The following PTPRT variants were observed in gnomAD, a reference collection of about 807,000 sequenced individuals.
PTPRT encodes receptor-type tyrosine-protein phosphatase T.
A neutral mutation model predicts 176.8 loss-of-function variants in PTPRT; 56 were observed. That is an observed-to-expected ratio of 0.32 (90% CI 0.26 to 0.40). The LOEUF (loss-of-function observed/expected upper bound fraction) is 0.40, where lower values mean the gene tolerates loss of function less well. Ranked by LOEUF, PTPRT falls within the 10% of genes least tolerant of loss-of-function variation. The pLI is 1.00. For missense variants in PTPRT, 1,540 were observed against 1,908.2 expected (o/e 0.81, Z 3.60); for synonymous variants, 783 against 739.0 (o/e 1.06, Z -0.96).
intron 16 of PTPRT, among the ~76,000 whole-genome samples, chr20:42,185,036 T>C (rs1324376857): frequency 6.6e-6 from 1 of 152,098 alleles, no homozygotes; most frequent in Admixed American, 6.6e-5. Context: ...AAAACCAGCA[T>C]GGTCCAAATA....
At chr20:42,362,159 G>A (rs1209488499) in intron 9 of PTPRT, among the ~76,000 whole-genome samples, 1 of 152,098 alleles carries the variant, frequency 6.6e-6, no homozygotes, top group East Asian at 1.9e-4. Context: ...CCAGCTACTC[G>A]GGAGGCTGAG....
At position 42,833,222 on chromosome 20, in the gene PTPRT, T is replaced by TA. The variant is rs112084889; in HGVS notation, c.215-41757dup. ...AACCAAATAGTCATGCAGTATAACT[T>TA]AAAAAAAAACCTAAAGTCATTATGA... On this transcript the variant is annotated intron_variant, in intron 2 of 30. Transcript: ENST00000373187. 4.2e-3 allele frequency among the ~76,000 whole-genome samples: 609 copies of TA among 144,632 alleles called. 3 individuals carry two copies. Among genetic ancestry groups the TA allele is most frequent in the African/African-American group, 0.014 (539 of 39,158 alleles). 94.9% of individuals were successfully genotyped at this position (144,632 alleles called of 152,430 possible). A position where few individuals can be genotyped will look rare whatever the true frequency, so the allele number is the denominator to read the frequency against.
At chr20:43,049,251 T>C (rs1986956267) in intron 1 of PTPRT, among the ~76,000 whole-genome samples, 1 of 152,188 alleles carries the variant, frequency 6.6e-6, no homozygotes, top group African/African-American at 2.4e-5. Flanking sequence ...AGAAAAAGTG[T>C]ATATCCTTTG....
chr20:42,957,693 C>T (rs1981722801), intron 1 of PTPRT, among the ~76,000 whole-genome samples: 1 of 152,136 alleles, frequency 6.6e-6, no homozygotes, highest in Admixed American at 6.5e-5. Flanking sequence ...CATTAATAAA[C>T]CTTCTAGTAC....
intron 22 of PTPRT, among the ~76,000 whole-genome samples, chr20:42,113,921 G>A (rs1987144182): frequency 6.6e-6 from 1 of 152,198 alleles, no homozygotes; most frequent in Non-Finnish European, 1.5e-5. Flanking sequence ...TTAGGAGCCT[G>A]GGGGTTGGAG....
chr20:43,046,488 G>C (rs1986844281), intron 1 of PTPRT, among the ~76,000 whole-genome samples: 1 of 151,330 alleles, frequency 6.6e-6, no homozygotes, highest in Non-Finnish European at 1.5e-5. Context: ...AGAATGGCGT[G>C]AACCCGGGAG....
At chr20:42,680,982 A>G (rs894557670) in intron 6 of PTPRT, among the ~76,000 whole-genome samples, 1 of 152,134 alleles carries the variant, frequency 6.6e-6, no homozygotes, top group Non-Finnish European at 1.5e-5. Flanking sequence ...TGTTTCCTCT[A>G]TCTGGCACCA....
intron 1 of PTPRT, among the ~76,000 whole-genome samples, chr20:43,157,184 T>C (rs1430558011): frequency 7.0e-6 from 1 of 143,674 alleles, no homozygotes; most frequent in Non-Finnish European, 1.5e-5. Context: ...AAACACTGTC[T>C]CTCTACTAAA....
intron 13 of PTPRT, among the ~76,000 whole-genome samples, chr20:42,256,455 G>A (rs1217376249): frequency 1.3e-5 from 2 of 151,412 alleles, no homozygotes; most frequent in Non-Finnish European, 2.9e-5. Flanking sequence ...GGAGGGGTGC[G>A]AGAAGCCTGG....
At chr20:42,690,911 G>A (rs2075782804) in intron 6 of PTPRT, among the ~76,000 whole-genome samples, 1 of 152,146 alleles carries the variant, frequency 6.6e-6, no homozygotes, top group Non-Finnish European at 1.5e-5. Context: ...AAAAATGACA[G>A]GCCCTACATA....
intron 7 of PTPRT, among the ~76,000 whole-genome samples, chr20:42,481,779 C>T (rs955886230): frequency 1.2e-4 from 7 of 56,606 alleles, no homozygotes; most frequent in African/African-American, 5.8e-4. Context: ...CACACACAAA[C>T]ACACACACAC....
At chr20:42,612,823 A>C (rs2073997384) in intron 7 of PTPRT, among the ~76,000 whole-genome samples, 1 of 152,170 alleles carries the variant, frequency 6.6e-6, no homozygotes, top group Admixed American at 6.5e-5. Flanking sequence ...TAAATAAATT[A>C]TGATAACCCC....
intron 2 of PTPRT, among the ~76,000 whole-genome samples, chr20:42,883,161 C>A (rs774299279): frequency 6.6e-6 from 1 of 152,166 alleles, no homozygotes; most frequent in Non-Finnish European, 1.5e-5. Flanking sequence ...AAAGAAGTAA[C>A]ATGAACATGC....
At chr20:42,099,381 C>G (rs3091739) in intron 26 of PTPRT, among the ~76,000 whole-genome samples, 1 of 151,938 alleles carries the variant, frequency 6.6e-6, no homozygotes, top group Non-Finnish European at 1.5e-5. Flanking sequence ...AGAGCCGGAA[C>G]GTAAGCCTAC....
chr20:42,762,708 T>A (rs1467363489), intron 5 of PTPRT, among the ~76,000 whole-genome samples: 2 of 152,218 alleles, frequency 1.3e-5, no homozygotes, highest in Non-Finnish European at 2.9e-5. Context: ...TGGAGCTGCA[T>A]CTGCCCAGAA....
At chr20:42,119,546 T>C (rs1381882129) in intron 20 of PTPRT, among the ~76,000 whole-genome samples, 3 of 152,226 alleles carry the variant, frequency 2.0e-5, no homozygotes, top group Admixed American at 6.6e-5. Context: ...ATATCTGTTA[T>C]GGGCATGCAC....
At chr20:42,240,076 A>G (rs1307966008) in intron 14 of PTPRT, among the ~76,000 whole-genome samples, 2 of 152,152 alleles carry the variant, frequency 1.3e-5, no homozygotes, top group Non-Finnish European at 2.9e-5. Context: ...CCTCAGCCTG[A>G]GCCAAGAAAA....
intron 1 of PTPRT, among the ~76,000 whole-genome samples, chr20:43,115,895 C>T (rs1270235994): frequency 6.6e-6 from 1 of 152,206 alleles, no homozygotes; most frequent in African/African-American, 2.4e-5. Context: ...CACAGCACTG[C>T]GAACTCAGCA....
At chr20:43,177,393 G>A (rs2015146851) in intron 1 of PTPRT, among the ~76,000 whole-genome samples, 1 of 152,186 alleles carries the variant, frequency 6.6e-6, no homozygotes, top group South Asian at 2.1e-4. Context: ...CAGAAAAGAT[G>A]AAACCCCAGA....
Sources: allele counts gnomAD v4.1 joint callset (sites outside exome capture counted in the v4.1 genomes callset), GRCh38; gene constraint gnomAD v4.1.1; transcripts MANE v1.5; gene names NCBI Gene and HGNC (gene_info 2026-07-23, HGNC 2026-07-21).